Variants in RNF220 observed in about 807,000 individuals in gnomAD.
RNF220 encodes ring finger protein 220.
Under a neutral mutation model 67.1 loss-of-function variants are expected in RNF220, and 7 were observed. That is an observed-to-expected ratio of 0.10 (90% CI 0.06 to 0.20). RNF220 has a LOEUF of 0.20. RNF220 is among the 10% of genes least tolerant of loss of function. The pLI is 1.00. For synonymous variants in RNF220, 270 were observed against 283.2 expected (o/e 0.95, Z 0.47); for missense variants, 565 against 740.3 (o/e 0.76, Z 2.75).
At chr1:44,413,514 T>A (rs3866646) in intron 2 of RNF220, among the ~76,000 whole-genome samples, 6,929 of 152,306 alleles carry the variant, frequency 0.045, 164 homozygotes, top group Middle Eastern at 0.075. Flanking sequence ...TAAACCTTTA[T>A]TTGGAACTTG....
intron 2 of RNF220, among the ~76,000 whole-genome samples, chr1:44,596,219 A>C (rs973155926): frequency 6.6e-6 from 1 of 152,230 alleles, no homozygotes; most frequent in African/African-American, 2.4e-5. Flanking sequence ...CCCATGAAAG[A>C]ATTCTAAGTC....
rs371465337 is a variant in RNF220, at chr1:44,446,656, T to C, written c.625+33934T>C. On this transcript the variant is annotated intron_variant, in intron 2 of 14. Coordinates refer to ENST00000361799, the MANE Select transcript of RNF220 (RefSeq NM_018150.4). Reference sequence around the variant, plus strand: ...CTCACTGCAACCTCCACCTCCGGGTTCAAGCAATTCTCCTGCCTCAGCCTC... The same window carrying C: ...CTCACTGCAACCTCCACCTCCGGGTCCAAGCAATTCTCCTGCCTCAGCCTC... Among the ~76,000 whole-genome samples, 14 of 151,908 alleles carry C rather than the reference T, an allele frequency of 9.2e-5. No individual in the cohort carries two copies. In the East Asian group the frequency reaches 1.9e-3, roughly 21 times the overall value.
intron 2 of RNF220, among the ~76,000 whole-genome samples, chr1:44,560,642 A>G (rs1261126781): frequency 1.3e-5 from 2 of 152,178 alleles, no homozygotes; most frequent in African/African-American, 4.8e-5. Context: ...GCTCACTGCA[A>G]CCACAGCCTC....
intron 2 of RNF220, among the ~76,000 whole-genome samples, chr1:44,533,854 C>T (rs1009724918): frequency 2.0e-5 from 3 of 152,202 alleles, no homozygotes; most frequent in Non-Finnish European, 4.4e-5. Context: ...TAAAAGAAAG[C>T]ATCCATTTTT....
At chr1:44,591,501 G>A (rs1666111070) in intron 2 of RNF220, among the ~76,000 whole-genome samples, 1 of 152,198 alleles carries the variant, frequency 6.6e-6, no homozygotes, top group South Asian at 2.1e-4. Context: ...TACTAAGTGA[G>A]GTCAGTAATT....
intron 2 of RNF220, among the ~76,000 whole-genome samples, chr1:44,561,789 C>T (rs1663592583): frequency 6.6e-6 from 1 of 152,088 alleles, no homozygotes; most frequent in African/African-American, 2.4e-5. Flanking sequence ...TGGTGGTGCA[C>T]ACCTGTAATC....
intron 2 of RNF220, among the ~76,000 whole-genome samples, chr1:44,500,364 A>G (rs796922248): frequency 6.6e-6 from 1 of 152,226 alleles, no homozygotes; most frequent in African/African-American, 2.4e-5. Context: ...TTCTGCCTGT[A>G]TCTGGAGACT....
chr1:44,638,023 G>A (rs951972466), intron 8 of RNF220, among the ~76,000 whole-genome samples: 7 of 152,236 alleles, frequency 4.6e-5, no homozygotes, highest in Non-Finnish European at 5.9e-5. Flanking sequence ...GCAGTGGAGC[G>A]GAGGAGGCTG....
intron 2 of RNF220, among the ~76,000 whole-genome samples, chr1:44,441,051 C>G (rs1406108492): frequency 6.6e-6 from 1 of 152,192 alleles, no homozygotes; most frequent in African/African-American, 2.4e-5. Flanking sequence ...GAATATATGA[C>G]TTGGCTCATC....
At chr1:44,595,125 A>G (rs562293439) in intron 2 of RNF220, among the ~76,000 whole-genome samples, 1 of 152,340 alleles carries the variant, frequency 6.6e-6, no homozygotes, top group Admixed American at 6.5e-5. Context: ...GAGCTGCTGA[A>G]TCAGAATCTG....
At chr1:44,445,879 A>G (rs1347608709) in intron 2 of RNF220, among the ~76,000 whole-genome samples, 1 of 152,240 alleles carries the variant, frequency 6.6e-6, no homozygotes, top group African/African-American at 2.4e-5. Context: ...GAATTGCTTC[A>G]TCATCTTTTT....
chr1:44,414,058 TC>T (rs1648280442), intron 2 of RNF220, among the ~76,000 whole-genome samples: 1 of 152,230 alleles, frequency 6.6e-6, no homozygotes, highest in Non-Finnish European at 1.5e-5. Flanking sequence ...GCCGGAGACC[TC>T]CCCACTTAAG....
At chr1:44,623,857 G>A (rs939424269) in intron 4 of RNF220, among the ~76,000 whole-genome samples, 3 of 152,196 alleles carry the variant, frequency 2.0e-5, no homozygotes, top group African/African-American at 7.2e-5. Context: ...TGTATCAGGT[G>A]GTCAGCAGTC....
At chr1:44,443,168 C>T (rs1047919571) in intron 2 of RNF220, among the ~76,000 whole-genome samples, 2 of 152,168 alleles carry the variant, frequency 1.3e-5, no homozygotes, top group African/African-American at 4.8e-5. Flanking sequence ...CGTGTGGGCA[C>T]TGAATACTCA....
At chr1:44,489,886 A>G (rs12076189) in intron 2 of RNF220, among the ~76,000 whole-genome samples, 1 of 152,298 alleles carries the variant, frequency 6.6e-6, no homozygotes, top group Non-Finnish European at 1.5e-5. Flanking sequence ...TCTTTACTCA[A>G]GCTGTTTCTA....
intron 2 of RNF220, among the ~76,000 whole-genome samples, chr1:44,594,744 G>A (rs1245959699): frequency 6.6e-6 from 1 of 152,200 alleles, no homozygotes; most frequent in Non-Finnish European, 1.5e-5. Flanking sequence ...GGGAACTGGG[G>A]TTAATTTGGG....
intron 2 of RNF220, among the ~76,000 whole-genome samples, chr1:44,579,281 G>A (rs919234348): frequency 6.6e-6 from 1 of 152,128 alleles, no homozygotes; most frequent in African/African-American, 2.4e-5. Flanking sequence ...ACTTGACCAA[G>A]ACCACACAGT....
chr1:44,511,015 G>C (rs561195409), intron 2 of RNF220, among the ~76,000 whole-genome samples: 1 of 152,332 alleles, frequency 6.6e-6, no homozygotes, highest in African/African-American at 2.4e-5. Context: ...TCTCGCAGTG[G>C]GGGGATGACG....
At chr1:44,636,549 C>T (rs1180904179) in intron 8 of RNF220, 5 of 678,732 alleles carry the variant, frequency 7.4e-6, no homozygotes, top group African/African-American at 7.1e-5. Flanking sequence ...CTGTACACCT[C>T]CAGCACTGGG....
Sources: allele counts gnomAD v4.1 joint callset (sites outside exome capture counted in the v4.1 genomes callset), GRCh38; gene constraint gnomAD v4.1.1; transcripts MANE v1.5; gene names NCBI Gene and HGNC (gene_info 2026-07-23, HGNC 2026-07-21).